The following TTC27 variants were observed in gnomAD, a reference collection of about 807,000 sequenced individuals.
The protein encoded by TTC27 is tetratricopeptide repeat protein 27.
In TTC27, 79 loss-of-function variants were observed where a neutral mutation model predicts 115.9. The observed-to-expected ratio is 0.68, with a 90% confidence interval of 0.57 to 0.82. The LOEUF (loss-of-function observed/expected upper bound fraction) is 0.82, where lower values mean the gene tolerates loss of function less well. Ranked by LOEUF, TTC27 falls within the 40% of genes least tolerant of loss-of-function variation. TTC27 has a pLI of 0.00. For synonymous variants in TTC27, 401 were observed against 356.0 expected (o/e 1.13, Z -1.42); for missense variants, 1,054 against 993.1 (o/e 1.06, Z -0.82).
intron 12 of TTC27, among the ~76,000 whole-genome samples, chr2:32,747,650 G>A (rs577299216): frequency 2.0e-5 from 3 of 152,124 alleles, no homozygotes; most frequent in Non-Finnish European, 1.5e-5. Flanking sequence ...AATGGTTGCA[G>A]AATACTAGGT....
intron 18 of TTC27, among the ~76,000 whole-genome samples, chr2:32,814,368 T>C (rs1416713948): frequency 3.3e-5 from 5 of 152,256 alleles, no homozygotes; most frequent in Admixed American, 6.5e-5. Context: ...CATTGAATTA[T>C]GTGTTCATGC....
chr2:32,644,473 G>T (rs1024118595), intron 4 of TTC27, among the ~76,000 whole-genome samples: 2 of 152,150 alleles, frequency 1.3e-5, no homozygotes. Flanking sequence ...GGGTTGCAGA[G>T]GCAAGTTACC....
At chr2:32,811,347 T>G in intron 17 of TTC27, 126 bp downstream of exon 17, 1 of 897,460 alleles carries the variant, frequency 1.1e-6, no homozygotes, top group East Asian at 2.7e-5. Context: ...TTAAGTTCAG[T>G]TCTGATTCAG....
chr2:32,802,214 A>G (rs1670973602), intron 16 of TTC27, among the ~76,000 whole-genome samples: 1 of 152,172 alleles, frequency 6.6e-6, no homozygotes, highest in African/African-American at 2.4e-5. Flanking sequence ...TATAAACATC[A>G]TGGATTAAAA....
At chr2:32,787,234 A>T in intron 16 of TTC27, 85 bp downstream of exon 16, 1 of 1,465,150 alleles carries the variant, frequency 6.8e-7, no homozygotes, top group Non-Finnish European at 9.1e-7. Context: ...TTGAATATGC[A>T]CAGGAAAATT....
chr2:32,756,500 C>T (rs1166316746), intron 12 of TTC27, among the ~76,000 whole-genome samples: 1 of 152,196 alleles, frequency 6.6e-6, no homozygotes, highest in Non-Finnish European at 1.5e-5. Flanking sequence ...TCCAGTTTCA[C>T]TTTCAGATTA....
At chr2:32,770,509 G>T (rs929702789) in intron 13 of TTC27, among the ~76,000 whole-genome samples, 3 of 152,186 alleles carry the variant, frequency 2.0e-5, no homozygotes, top group Non-Finnish European at 2.9e-5. Context: ...ATACCAGTCT[G>T]TCAGGTTTGA....
At chr2:32,639,625 T>G (rs1378421992) in intron 3 of TTC27, among the ~76,000 whole-genome samples, 1 of 152,212 alleles carries the variant, frequency 6.6e-6, no homozygotes, top group Non-Finnish European at 1.5e-5. Flanking sequence ...TGCTTTTCAT[T>G]GAGATAATAT....
At chr2:32,734,019 C>A in intron 11 of TTC27, 96 bp downstream of exon 11, 1 of 840,658 alleles carries the variant, frequency 1.2e-6, no homozygotes, top group Non-Finnish European at 1.8e-6. Flanking sequence ...TTTGAATTTT[C>A]AAATATTTTG....
intron 10 of TTC27, among the ~76,000 whole-genome samples, chr2:32,716,060 T>A (rs1411935807): frequency 6.6e-6 from 1 of 152,220 alleles, no homozygotes; most frequent in African/African-American, 2.4e-5. Context: ...TTTCTTTTCC[T>A]CTTGCTTGCC....
intron 15 of TTC27, 82 bp downstream of exon 15, chr2:32,782,760 G>A: frequency 8.8e-7 from 1 of 1,135,702 alleles, no homozygotes; most frequent in Non-Finnish European, 1.3e-6. Context: ...TTGTTTCAAT[G>A]TTTCTCCTTG....
In TTC27 at chr2:32,663,516, A is replaced by G. The variant is rs367679593; in HGVS notation, c.641-787A>G. On this transcript the variant is annotated intron_variant, in intron 5 of 19. Transcript: ENST00000317907. ...CTGCACCCACTGTCTAACCAGTCCCAGTGAGATGAGCCTGGTACCTCAGTT... is the reference window on the plus strand; with the variant it reads ...CTGCACCCACTGTCTAACCAGTCCCGGTGAGATGAGCCTGGTACCTCAGTT... Among the ~76,000 whole-genome samples, 6 of 150,954 alleles carry G rather than the reference A, an allele frequency of 4.0e-5. No homozygotes were observed. The South Asian group carries it at 1.0e-3, about 26-fold the overall frequency.
chr2:32,674,189 C>T (rs1195182191), intron 8 of TTC27, among the ~76,000 whole-genome samples: 2 of 149,142 alleles, frequency 1.3e-5, no homozygotes, highest in African/African-American at 2.5e-5. Flanking sequence ...CTTGCACTGT[C>T]GCCCAGGCTG....
At chr2:32,793,399 G>A (rs913799205) in intron 16 of TTC27, among the ~76,000 whole-genome samples, 1 of 152,182 alleles carries the variant, frequency 6.6e-6, no homozygotes, top group Non-Finnish European at 1.5e-5. Context: ...AAATGCTCAA[G>A]GGGGTCCTGC....
chr2:32,678,723 G>A (rs367956206), intron 8 of TTC27, 133 bp from the exon 9 acceptor site: 62 of 618,550 alleles, frequency 1.0e-4, no homozygotes, highest in South Asian at 3.4e-4. Context: ...CACTGTGCCC[G>A]GCCCCCATAA....
At chr2:32,762,984 G>C (rs750743572) in intron 13 of TTC27, among the ~76,000 whole-genome samples, 1 of 152,226 alleles carries the variant, frequency 6.6e-6, no homozygotes. Flanking sequence ...TGTGGGAGGG[G>C]CAATAGGAAG....
At chr2:32,815,133 T>C (rs763658879) in intron 18 of TTC27, among the ~76,000 whole-genome samples, 6 of 151,816 alleles carry the variant, frequency 4.0e-5, no homozygotes, top group Non-Finnish European at 7.4e-5. Flanking sequence ...TGGGCTAAAG[T>C]GTTTCAGCTC....
chr2:32,639,665 A>G (rs964377530), intron 3 of TTC27, among the ~76,000 whole-genome samples: 1 of 152,148 alleles, frequency 6.6e-6, no homozygotes, highest in African/African-American at 2.4e-5. Flanking sequence ...TGAAGTGATG[A>G]TATCTCTTCA....
chr2:32,760,957 A>G (rs1669415982), intron 13 of TTC27, among the ~76,000 whole-genome samples: 1 of 152,118 alleles, frequency 6.6e-6, no homozygotes, highest in Non-Finnish European at 1.5e-5. Flanking sequence ...CTTTGTCTGC[A>G]CTTACTTCCT....
Sources: gnomAD v4.1 joint callset for allele counts (sites outside exome capture counted in the v4.1 genomes callset) on GRCh38, gnomAD v4.1.1 for gene constraint, MANE v1.5 for transcripts, NCBI Gene and HGNC (gene_info 2026-07-23, HGNC 2026-07-21) for gene names.